Variants in MGST1 observed in about 807,000 individuals in gnomAD.
The protein encoded by MGST1 is microsomal glutathione S-transferase 1.
A neutral mutation model predicts 8.9 loss-of-function variants in MGST1; 5 were observed. That is an observed-to-expected ratio of 0.56 (90% CI 0.29 to 1.19). The LOEUF is 1.19. MGST1 is among the 50% of genes most tolerant of loss of function. The pLI, the probability that MGST1 is intolerant of heterozygous loss-of-function variation, is 0.08. For missense variants in MGST1, 182 were observed against 187.4 expected (o/e 0.97, Z 0.17); for synonymous variants, 54 against 67.8 (o/e 0.80, Z 1.00).
intron 1 of MGST1, among the ~76,000 whole-genome samples, chr12:16,412,689 A>T (rs1940752592): frequency 6.6e-6 from 1 of 152,158 alleles, no homozygotes; most frequent in Non-Finnish European, 1.5e-5. Flanking sequence ...CGATGGTTTT[A>T]TAAAGGGCAG....
chr12:16,467,510 TC>T lies in MGST1; in HGVS notation n.482+83911del, dbSNP rs1473030688. On this transcript the variant is annotated intron_variant and non_coding_transcript_variant, in intron 4 of 4. Transcript: ENST00000538857. Reference sequence around the variant, plus strand: ...TAAAACTAGACAGATTGCAGTGCTTTCCCCCAGTCAGCTAAGAATTCTAAGA... The same window carrying T: ...TAAAACTAGACAGATTGCAGTGCTTTCCCCAGTCAGCTAAGAATTCTAAGA... Among the ~76,000 whole-genome samples the T allele has an allele frequency of 2.0e-5, 3 of 152,142 alleles. 1 individual carries two copies. The highest frequency in any genetic ancestry group is 4.8e-5 in the African/African-American group (2 of 41,436).
intron 1 of MGST1, among the ~76,000 whole-genome samples, chr12:16,404,719 T>A (rs1253794798): frequency 6.6e-6 from 1 of 152,172 alleles, no homozygotes; most frequent in Admixed American, 6.5e-5. Flanking sequence ...TTTTAATACT[T>A]TTTTAAACTC....
At chr12:16,484,874 A>C (rs1053137733) in intron 4 of MGST1, among the ~76,000 whole-genome samples, 13 of 152,308 alleles carry the variant, frequency 8.5e-5, no homozygotes, top group African/African-American at 3.1e-4. Context: ...GCATCTTATA[A>C]ATTTTTTAAT....
At chr12:16,512,425 T>C (rs970244828) in intron 4 of MGST1, among the ~76,000 whole-genome samples, 6 of 152,258 alleles carry the variant, frequency 3.9e-5, no homozygotes, top group Non-Finnish European at 8.8e-5. Context: ...TTAGAAAATA[T>C]AGTAATGTTC....
chr12:16,385,536 G>A (rs1289045197), intron 1 of MGST1, among the ~76,000 whole-genome samples: 1 of 151,982 alleles, frequency 6.6e-6, no homozygotes, highest in East Asian at 1.9e-4. Flanking sequence ...AATTTTTACC[G>A]GCTAAATTTA....
intron 2 of MGST1, among the ~76,000 whole-genome samples, chr12:16,355,128 C>T (rs1030527056): frequency 6.6e-6 from 1 of 151,982 alleles, no homozygotes; most frequent in African/African-American, 2.4e-5. Flanking sequence ...TCTCTTAGGA[C>T]CTGTCCTGAG....
At chr12:16,425,864 C>A (rs1940881075) in intron 1 of MGST1, among the ~76,000 whole-genome samples, 1 of 152,222 alleles carries the variant, frequency 6.6e-6, no homozygotes, top group African/African-American at 2.4e-5. Context: ...AAGGTGTAAG[C>A]ACATTTTCAA....
intron 1 of MGST1, among the ~76,000 whole-genome samples, chr12:16,432,520 C>T (rs1940946907): frequency 6.6e-6 from 1 of 152,108 alleles, no homozygotes; most frequent in Middle Eastern, 3.4e-3. Flanking sequence ...ATTTCTCCCT[C>T]ATAGTAGCAA....
intron 4 of MGST1, chr12:16,549,116 C>T (rs1941893209): frequency 6.6e-6 from 1 of 152,058 alleles, no homozygotes; most frequent in Non-Finnish European, 1.5e-5. Flanking sequence ...GAATTTCAAG[C>T]AATTGTTAAT....
downstream of MGST1, among the ~76,000 whole-genome samples, chr12:16,591,117 T>G (rs933974267): frequency 6.6e-6 from 1 of 152,052 alleles, no homozygotes; most frequent in African/African-American, 2.4e-5. This position sits in a 1 kb window ranked among gnomAD's most constrained non-coding sequence, Gnocchi z 4.1. Flanking sequence ...ATACGGGGCA[T>G]TGTTTGTTGC....
At chr12:16,554,478 G>A (rs1298228470) in intron 4 of MGST1, among the ~76,000 whole-genome samples, 3 of 152,076 alleles carry the variant, frequency 2.0e-5, no homozygotes, top group African/African-American at 4.8e-5. Flanking sequence ...AGTCCGGGTT[G>A]TGTACTCATT....
chr12:16,516,568 G>A (rs545669552), intron 4 of MGST1, among the ~76,000 whole-genome samples: 101 of 152,262 alleles, frequency 6.6e-4, no homozygotes, highest in African/African-American at 2.1e-3. Context: ...GAGATAAGCT[G>A]TACAACTTAT....
At chr12:16,469,425 A>G (rs746514087) in intron 4 of MGST1, among the ~76,000 whole-genome samples, 1 of 152,038 alleles carries the variant, frequency 6.6e-6, no homozygotes, top group East Asian at 1.9e-4. Context: ...CTGACTTCAG[A>G]TGATCTGCCT....
intron 1 of MGST1, chr12:16,400,245 G>C: frequency 1.2e-6 from 1 of 845,950 alleles, no homozygotes; most frequent in South Asian, 1.4e-5. Flanking sequence ...TCCCAAACAT[G>C]ATGGCATTCT....
At chr12:16,507,984 C>A (rs2417592) in intron 4 of MGST1, among the ~76,000 whole-genome samples, 149,274 of 152,240 alleles carry the variant, frequency 0.98, 73,260 homozygotes, top group East Asian at 1. Context: ...CAAATTATGT[C>A]CCTTTCCTTG....
At chr12:16,370,218 C>T (rs1940268490) in intron 3 of MGST1, 1 of 152,120 alleles carries the variant, frequency 6.6e-6, no homozygotes, top group South Asian at 2.1e-4. Context: ...AAACACAATA[C>T]AGGGTTTGTG....
At chr12:16,384,126 A>T (rs1467597238) in intron 1 of MGST1, among the ~76,000 whole-genome samples, 1 of 152,126 alleles carries the variant, frequency 6.6e-6, no homozygotes, top group Non-Finnish European at 1.5e-5. Flanking sequence ...TTGGGTTGGG[A>T]TACTGCTGGG....
rs1322056128 is a variant in MGST1 at position 16,401,125 on chromosome 12, C to T, written n.778+17521C>T. On this transcript the variant is annotated intron_variant and non_coding_transcript_variant, in intron 1 of 1. Coordinates refer to the MGST1 transcript ENST00000359720. This position sits in a 1 kb window ranked among gnomAD's most constrained non-coding sequence, Gnocchi z 4.3. ...CTCCTCCTTTTCCTCATCTTCGTTC[C>T]TTAGGAAAATACCCACATTCTTCAC... 2.5e-6 allele frequency: 4 copies of T among 1,575,832 alleles called. No homozygotes were observed. The highest frequency in any genetic ancestry group is 2.2e-5 in the South Asian group (2 of 90,282).
At chr12:16,370,684 CT>C (rs1940275651) in intron 3 of MGST1, among the ~76,000 whole-genome samples, 1 of 152,162 alleles carries the variant, frequency 6.6e-6, no homozygotes, top group Non-Finnish European at 1.5e-5. Context: ...AGTTTTGCCA[CT>C]GATACACATG....
Sources: allele counts gnomAD v4.1 joint callset (sites outside exome capture counted in the v4.1 genomes callset), GRCh38; gene constraint gnomAD v4.1.1; non-coding constraint Gnocchi (gnomAD v3.1); transcripts MANE v1.5; gene names NCBI Gene and HGNC (gene_info 2026-07-23, HGNC 2026-07-21).